Variants in ZRANB3 observed in about 807,000 individuals in gnomAD.
ZRANB3 encodes the protein zinc finger RANBP2-type containing 3.
A neutral mutation model predicts 133.8 loss-of-function variants in ZRANB3; 125 were observed. That is an observed-to-expected ratio of 0.93 (90% confidence interval 0.81 to 1.08). ZRANB3 has a LOEUF of 1.08. Among genes scored for constraint, ZRANB3 ranks in the 50% least tolerant of loss-of-function variants. The pLI, the probability that ZRANB3 is intolerant of heterozygous loss-of-function variation, is 0.00. For synonymous variants in ZRANB3, 387 were observed against 432.7 expected, an observed-to-expected ratio of 0.89 and a Z score of 1.31; for missense variants, 1,229 against 1,275.5, an observed-to-expected ratio of 0.96 and a Z score of 0.56.
intron 2 of ZRANB3, among the ~76,000 whole-genome samples, chr2:135,453,336 T>G (rs535096426): frequency 6.6e-6 from 1 of 152,330 alleles, no homozygotes; most frequent in East Asian, 1.9e-4. Context: ...TTCTCCATGG[T>G]CTTTTGGATT....
chr2:135,335,131 G>T (rs1435682162), intron 6 of ZRANB3, among the ~76,000 whole-genome samples: 1 of 151,678 alleles, frequency 6.6e-6, no homozygotes, highest in Non-Finnish European at 1.5e-5. Flanking sequence ...ACAATCTTTA[G>T]GTATGTCTAT....
rs1194232281 is a variant in ZRANB3, at chr2:135,265,536, G to A, written c.1537C>T (p.His513Tyr). Residue 513 changes from histidine to tyrosine, a missense_variant and splice_region_variant, in exon 12 of 21, where the codon CAC (histidine) becomes TAC (tyrosine). By Grantham distance (83) the His-to-Tyr change is moderately conservative. Transcript: ENST00000264159. ...EELRKEALFT[H>Y]FEKEKQHDIR... ...AAGAGTAAGGCATATAATCTTACGT[G>A]AGTGAACAAAGCTTCCTTCCTTAAC... 3.1e-6 allele frequency: 5 copies of A among 1,611,700 alleles called. No homozygotes were observed. The Admixed American group carries it at 8.4e-5, about 27-fold the overall frequency.
At chr2:135,378,441 G>A (rs1373580653) in intron 3 of ZRANB3, among the ~76,000 whole-genome samples, 2 of 151,596 alleles carry the variant, frequency 1.3e-5, no homozygotes, top group East Asian at 1.9e-4. Context: ...TGCAGTGGCC[G>A]AGATCACGCC....
rs562586092 is a variant in ZRANB3 at position 135,432,164 on chromosome 2, C to T, written c.162-41344G>A. ...ACTCGGGAGTCTGAGGCAGGAGAAT[C>T]GCTTGAACCCAGGAGGCGGAGGCTG... On this transcript the variant is annotated intron_variant, in intron 2 of 20. Transcript: ENST00000264159. Among the ~76,000 whole-genome samples, 25 of 152,190 alleles carry T rather than the reference C, an allele frequency of 1.6e-4. No individual in the cohort carries two copies. In the East Asian group the frequency reaches 4.3e-3, roughly 26 times the overall value.
chr2:135,250,713 TG>T, intron 12 of ZRANB3, among the ~76,000 whole-genome samples: 1 of 152,272 alleles, frequency 6.6e-6, no homozygotes, highest in East Asian at 1.9e-4. Flanking sequence ...AGCCTGTGGG[TG>T]CACAGAAGTC....
chr2:135,326,004 A>C (rs532527975), intron 6 of ZRANB3, among the ~76,000 whole-genome samples: 37 of 152,350 alleles, frequency 2.4e-4, no homozygotes, highest in African/African-American at 7.0e-4. Context: ...TGGAAAAATA[A>C]ATAAATAAAA....
At chr2:135,204,479 A>G (rs962734134) in intron 19 of ZRANB3, among the ~76,000 whole-genome samples, 2 of 151,578 alleles carry the variant, frequency 1.3e-5, no homozygotes, top group African/African-American at 2.4e-5. Context: ...CCACTCTTCA[A>G]TATCCTAAAT....
At chr2:135,379,097 C>T (rs551384566) in intron 3 of ZRANB3, among the ~76,000 whole-genome samples, 1 of 152,104 alleles carries the variant, frequency 6.6e-6, no homozygotes, top group Admixed American at 6.5e-5. Context: ...TCTAAGATAT[C>T]AATAATAGGG....
chr2:135,247,165 G>T (rs1695835134), intron 12 of ZRANB3, among the ~76,000 whole-genome samples: 1 of 152,152 alleles, frequency 6.6e-6, no homozygotes. Flanking sequence ...TTACAAATGG[G>T]TGATTGGGAC....
rs544830995 is a variant in ZRANB3, at chr2:135,408,804, A to C, written c.162-17984T>G. ...AACACATGGAGACAGGAAGGGGAAC[A>C]TCACACACTGGGGCCTGTTGTGGGG... On this transcript the variant is annotated intron_variant, in intron 2 of 20. Transcript: ENST00000264159. 2.2e-4 allele frequency among the ~76,000 whole-genome samples: 33 copies of C among 151,734 alleles called. No individual in the cohort carries two copies. The South Asian group carries it at 5.9e-3, about 27-fold the overall frequency.
intron 8 of ZRANB3, among the ~76,000 whole-genome samples, chr2:135,282,228 G>C (rs1175507836): frequency 6.6e-6 from 1 of 152,092 alleles, no homozygotes; most frequent in Non-Finnish European, 1.5e-5. Flanking sequence ...GCAGAGCCAA[G>C]TACCAAAGTA....
chr2:135,216,583 G>T (rs1441612055), intron 17 of ZRANB3, among the ~76,000 whole-genome samples: 2 of 151,966 alleles, frequency 1.3e-5, no homozygotes, highest in Non-Finnish European at 2.9e-5. Context: ...AGAACTATAG[G>T]AGTGTGCCAC....
At chr2:135,277,158 C>T (rs181147036) in intron 8 of ZRANB3, among the ~76,000 whole-genome samples, 289 of 152,216 alleles carry the variant, frequency 1.9e-3, no homozygotes, top group African/African-American at 6.5e-3. Flanking sequence ...CCTTCTTTCC[C>T]CTATACTTCC....
chr2:135,275,067 C>T (rs1680725734), intron 9 of ZRANB3, among the ~76,000 whole-genome samples: 1 of 152,304 alleles, frequency 6.6e-6, no homozygotes, highest in African/African-American at 2.4e-5. Context: ...CTATCTTTTC[C>T]CCACATTTCC....
chr2:135,223,572 C>T (rs1386794187), intron 15 of ZRANB3, among the ~76,000 whole-genome samples: 1 of 152,080 alleles, frequency 6.6e-6, no homozygotes, highest in Non-Finnish European at 1.5e-5. Context: ...AGGTGATCCA[C>T]CCACCTTGGC....
chr2:135,223,738 T>C (rs1414880462), intron 15 of ZRANB3, among the ~76,000 whole-genome samples: 1 of 151,884 alleles, frequency 6.6e-6, no homozygotes, highest in Non-Finnish European at 1.5e-5. Context: ...ATTTTAGGAG[T>C]GCAAAGGGGT....
At chr2:135,344,454 G>C (rs1684829202) in intron 6 of ZRANB3, among the ~76,000 whole-genome samples, 1 of 152,128 alleles carries the variant, frequency 6.6e-6, no homozygotes, top group Non-Finnish European at 1.5e-5. Context: ...ATGAATAACA[G>C]GCTGGGCGTG....
At position 135,496,407 on chromosome 2, in the gene ZRANB3, A is replaced by C. The variant is rs1025184396; in HGVS notation, c.161+7922T>G. 4.7e-5 allele frequency among the ~76,000 whole-genome samples: 7 copies of C among 147,728 alleles called. No homozygotes were observed. The East Asian group carries it at 9.7e-4, about 20-fold the overall frequency. On this transcript the variant is annotated intron_variant, in intron 2 of 20. Transcript: ENST00000264159. ...CTTAAAAAAAAAAAAAAAAAAAAAAAAAAAACGAAATCCGCAGATTAAGAT... is the reference window on the plus strand; with the variant it reads ...CTTAAAAAAAAAAAAAAAAAAAAAACAAAAACGAAATCCGCAGATTAAGAT...
intron 2 of ZRANB3, among the ~76,000 whole-genome samples, chr2:135,415,257 A>G (rs538530409): frequency 4.3e-4 from 65 of 151,832 alleles, no homozygotes; most frequent in African/African-American, 1.4e-3. Context: ...AGACGCAATA[A>G]AAAATGATAA....
Sources: gnomAD v4.1 joint callset for allele counts (sites outside exome capture counted in the v4.1 genomes callset) on GRCh38, gnomAD v4.1.1 for gene constraint, MANE v1.5 for transcripts, NCBI Gene and HGNC (gene_info 2026-07-23, HGNC 2026-07-21) for gene names.